Variants in UBP1 observed in about 807,000 individuals in gnomAD.
UBP1 encodes the protein upstream binding protein 1.
In UBP1, 22 loss-of-function variants were observed where a neutral mutation model predicts 76.1. The ratio of observed to expected loss-of-function variants is 0.29; its 90% CI spans 0.21 to 0.41. The LOEUF is 0.41. Ranked by LOEUF, UBP1 falls within the 10% of genes least tolerant of loss-of-function variation. UBP1 has a pLI of 1.00. For synonymous variants in UBP1, 224 were observed against 237.1 expected, an observed-to-expected ratio of 0.94 and a Z score of 0.51; for missense variants, 436 against 668.1, an observed-to-expected ratio of 0.65 and a Z score of 3.83.
rs1442215790 is a variant in UBP1 at position 33,412,710 on chromosome 3, C to G, written c.448+12G>C. ...ACCCTCATCTCCATGGTCTTTTGAT[C>G]ACTGCCTGTACCTAAATCAAGAAGT... On this transcript the variant is annotated intron_variant, in intron 4 of 15. Transcript: ENST00000283629. 1.3e-6 allele frequency: 2 copies of G among 1,555,386 alleles called. No individual in the cohort carries two copies. Among genetic ancestry groups the G allele is most frequent in the African/African-American group, 2.7e-5 (2 of 73,702 alleles).
Position 33,389,785 on chromosome 3 carries a change from A to AGAC in UBP1, c.*543_*545dup, listed in dbSNP as rs2043685109. 6.5e-6 allele frequency: 1 copy of AGAC among 154,116 alleles called. No homozygotes were observed. Among genetic ancestry groups the AGAC allele is most frequent in the South Asian group, 2.0e-4 (1 of 4,912 alleles). The allele number at this position is 154,116 out of a possible 1,614,324, so 9.5% of individuals were successfully genotyped here. On this transcript the variant is annotated 3_prime_UTR_variant, in exon 16 of 16. Coordinates refer to ENST00000283629, the MANE Select transcript of UBP1 (RefSeq NM_014517.5). ...ATGATCATATCAAACGTACACCCTC[A>AGAC]GACATGATTTCTTCCAAGAAGGTGC... is the stretch of plus-strand genomic sequence containing the variant.
At chr3:33,439,544 A>C (rs1430601963) in intron 1 of UBP1, among the ~76,000 whole-genome samples, 192 bp downstream of exon 1, 1 of 152,010 alleles carries the variant, frequency 6.6e-6, no homozygotes, top group East Asian at 1.9e-4. Flanking sequence ...ATCCTCCCCC[A>C]CCCGCCCGTC....
intron 5 of UBP1, 33 bp downstream of exon 5, chr3:33,411,548 T>A (rs2044583402): frequency 6.4e-7 from 1 of 1,574,536 alleles, no homozygotes; most frequent in East Asian, 2.2e-5. Context: ...AATAACTAGG[T>A]TAGTAAGCTT....
chr3:33,395,681 ATTACATGCAGGCAC>A (rs2043951058), intron 13 of UBP1, among the ~76,000 whole-genome samples: 7 of 140,430 alleles, frequency 5.0e-5, no homozygotes, highest in African/African-American at 1.9e-4. Context: ...ACTTAGGACT[ATTACATGCAGGCAC>A]TGTTGCACAT....
intron 9 of UBP1, 149 bp from the exon 10 acceptor site, chr3:33,401,165 A>G (rs746138323): frequency 4.8e-6 from 3 of 630,580 alleles, no homozygotes; most frequent in Non-Finnish European, 7.8e-6. Flanking sequence ...ACAAAATGCA[A>G]GCGCAACAGC....
At chr3:33,424,464 T>C (rs1245288853) in intron 2 of UBP1, among the ~76,000 whole-genome samples, 1 of 152,194 alleles carries the variant, frequency 6.6e-6, no homozygotes, top group Non-Finnish European at 1.5e-5. Context: ...TATACTCAAG[T>C]GAACAGATGT....
intron 1 of UBP1, among the ~76,000 whole-genome samples, chr3:33,425,996 A>AATATATATATATAT (rs60739079): frequency 5.3e-4 from 29 of 55,124 alleles, no homozygotes; most frequent in African/African-American, 8.6e-4. Context: ...GGCAGCTCTG[A>AATATATATATATAT]ATATATATAT....
chr3:33,433,249 C>T (rs2045144004), intron 1 of UBP1, among the ~76,000 whole-genome samples: 1 of 149,010 alleles, frequency 6.7e-6, no homozygotes, highest in African/African-American at 2.5e-5. Context: ...TTAGTAGAGA[C>T]GGGGTTTCAC....
chr3:33,402,446 A>G (rs1350252315), intron 9 of UBP1, among the ~76,000 whole-genome samples: 1 of 152,236 alleles, frequency 6.6e-6, no homozygotes. Context: ...CATTACAGAC[A>G]AGTGAATGAA....
chr3:33,420,113 C>T (rs1374351160), intron 2 of UBP1, among the ~76,000 whole-genome samples: 1 of 152,110 alleles, frequency 6.6e-6, no homozygotes, highest in Admixed American at 6.5e-5. Flanking sequence ...GATGTGACAG[C>T]CCCCACTTTG....
chr3:33,430,347 AGG>A (rs2045092108), intron 1 of UBP1, among the ~76,000 whole-genome samples: 1 of 152,188 alleles, frequency 6.6e-6, no homozygotes, highest in African/African-American at 2.4e-5. Flanking sequence ...GTAAGGGTGA[AGG>A]GAAAGTACTG....
At chr3:33,431,605 T>C (rs2045113368) in intron 1 of UBP1, among the ~76,000 whole-genome samples, 1 of 152,064 alleles carries the variant, frequency 6.6e-6, no homozygotes, top group Non-Finnish European at 1.5e-5. Flanking sequence ...CTGGGCATGG[T>C]GGCACACGTC....
intron 2 of UBP1, among the ~76,000 whole-genome samples, chr3:33,417,818 G>A (rs577179222): frequency 6.6e-6 from 1 of 152,242 alleles, no homozygotes; most frequent in African/African-American, 2.4e-5. Context: ...CCAACACCTT[G>A]TCCATACTCC....
intron 2 of UBP1, among the ~76,000 whole-genome samples, chr3:33,422,497 G>A (rs772327386): frequency 2.6e-5 from 4 of 152,084 alleles, no homozygotes; most frequent in Non-Finnish European, 5.9e-5. Flanking sequence ...CAGGAAGATC[G>A]TTTGAGCCCA....
chr3:33,408,839 T>C (rs981068997), intron 7 of UBP1, 42 bp from the exon 8 acceptor site: 36 of 1,534,108 alleles, frequency 2.3e-5, no homozygotes, highest in Non-Finnish European at 3.1e-5. Context: ...CTTTTCATTA[T>C]ACAAAGAAAG....
At chr3:33,402,611 C>T (rs1393613228) in intron 9 of UBP1, among the ~76,000 whole-genome samples, 190 bp downstream of exon 9, 4 of 151,986 alleles carry the variant, frequency 2.6e-5, no homozygotes, top group African/African-American at 4.8e-5. Flanking sequence ...ACAAGGGGCT[C>T]GGAGTAAAAA....
intron 15 of UBP1, chr3:33,390,701 G>A: frequency 3.2e-6 from 1 of 315,388 alleles, no homozygotes. Context: ...AAGGAGAACA[G>A]GTGAAATATA....
At chr3:33,422,277 A>G (rs2044915010) in intron 2 of UBP1, among the ~76,000 whole-genome samples, 1 of 152,006 alleles carries the variant, frequency 6.6e-6, no homozygotes, top group Non-Finnish European at 1.5e-5. Flanking sequence ...TATACCTTTA[A>G]GGACTACATC....
intron 3 of UBP1, 113 bp from the exon 4 acceptor site, chr3:33,412,940 C>A: frequency 1.6e-6 from 1 of 638,246 alleles, no homozygotes; most frequent in Non-Finnish European, 2.8e-6. Context: ...CAACTAGATT[C>A]TGTTTTAAAC....
Sources: allele counts gnomAD v4.1 joint callset (sites outside exome capture counted in the v4.1 genomes callset), GRCh38; gene constraint gnomAD v4.1.1; transcripts MANE v1.5; gene names NCBI Gene and HGNC (gene_info 2026-07-23, HGNC 2026-07-21).